Variants in MACROD2 observed in about 807,000 individuals in gnomAD.
MACROD2 encodes mono-ADP ribosylhydrolase 2.
In MACROD2, 36 loss-of-function variants were observed where a neutral mutation model predicts 70.4. That is an observed-to-expected ratio of 0.51 (90% CI 0.39 to 0.68). MACROD2 has a LOEUF of 0.68. MACROD2 is among the 30% of genes least tolerant of loss of function. MACROD2 has a pLI of 0.00. For missense variants in MACROD2, 496 were observed against 538.4 expected (o/e 0.92, Z 0.78); for synonymous variants, 172 against 178.8 (o/e 0.96, Z 0.30).
At chr20:15,907,050 A>G (rs2147257252) in intron 10 of MACROD2, among the ~76,000 whole-genome samples, 1 of 152,288 alleles carries the variant, frequency 6.6e-6, no homozygotes, top group South Asian at 2.1e-4. Context: ...CAATTTATTC[A>G]TTTGTGTACT....
intron 7 of MACROD2, among the ~76,000 whole-genome samples, chr20:15,479,265 C>CTTTTTT (rs767435610): frequency 3.3e-4 from 29 of 87,758 alleles, no homozygotes; most frequent in Admixed American, 5.2e-4. Flanking sequence ...TTCTCGCTCT[C>CTTTTTT]TTTTTTTTTT....
chr20:14,298,722 T>G (rs1454009633), intron 3 of MACROD2, among the ~76,000 whole-genome samples: 1 of 149,566 alleles, frequency 6.7e-6, no homozygotes, highest in Non-Finnish European at 1.5e-5. Flanking sequence ...GGAGGAGGTC[T>G]GAGTATCAAC....
chr20:15,863,379 C>T (rs1250742399), intron 9 of MACROD2, among the ~76,000 whole-genome samples: 2 of 152,090 alleles, frequency 1.3e-5, no homozygotes, highest in African/African-American at 4.8e-5. Context: ...TAGGAGAAAC[C>T]TCAGGGTTAT....
At chr20:14,775,871 A>T (rs1222587412) in intron 5 of MACROD2, among the ~76,000 whole-genome samples, 4 of 152,060 alleles carry the variant, frequency 2.6e-5, no homozygotes, top group Non-Finnish European at 4.4e-5. Flanking sequence ...GAACTGTGAA[A>T]AAAAAAGATC....
intron 3 of MACROD2, among the ~76,000 whole-genome samples, chr20:14,450,626 G>T (rs1489770183): frequency 2.0e-5 from 3 of 152,018 alleles, no homozygotes; most frequent in African/African-American, 7.3e-5. Flanking sequence ...TAAATGTTAT[G>T]ACCCTAAGGA....
Position 14,858,007 on chromosome 20 carries a change from G to T in MACROD2, c.418+173048G>T, listed in dbSNP as rs566721863. 2.0e-4 allele frequency among the ~76,000 whole-genome samples: 30 copies of T among 152,184 alleles called. 1 individual carries two copies. Among genetic ancestry groups the T allele is most frequent in the African/African-American group, 7.0e-4 (29 of 41,532 alleles). ...GGCTAATTTTTGTATTTTTAGTAGA[G>T]ACTGGGTTTCACCATGTTGGCCAGG... On this transcript the variant is annotated intron_variant, in intron 5 of 17. Transcript: ENST00000684519.
At chr20:15,669,323 G>T (rs1026018886) in intron 8 of MACROD2, among the ~76,000 whole-genome samples, 1 of 152,198 alleles carries the variant, frequency 6.6e-6, no homozygotes, top group Non-Finnish European at 1.5e-5. Flanking sequence ...CACATGAAAT[G>T]TGCAGGGTAT....
intron 4 of MACROD2, among the ~76,000 whole-genome samples, chr20:14,498,457 A>G (rs2084880872): frequency 6.6e-6 from 1 of 152,212 alleles, no homozygotes; most frequent in African/African-American, 2.4e-5. Flanking sequence ...GTTTGTCAGT[A>G]TTGATTATTG....
chr20:15,648,275 T>C (rs1215046555), intron 8 of MACROD2, among the ~76,000 whole-genome samples: 1 of 152,208 alleles, frequency 6.6e-6, no homozygotes, highest in Non-Finnish European at 1.5e-5. Context: ...TTGGCCATGA[T>C]ATTTAAGAAG....
rs549030836 is a variant in MACROD2 at position 15,132,627 on chromosome 20, T to TA, written c.419-97305dup. Among the ~76,000 whole-genome samples, 18 of 151,700 alleles carry TA rather than the reference T, an allele frequency of 1.2e-4. 1 individual carries two copies. In the South Asian group the frequency reaches 3.5e-3, roughly 30 times the overall value. ...AGAAGGACAACAAAATCCAATCACTTAAAAAAAACTTTCAAATAATTCTTG... is the reference window on the plus strand; with the variant it reads ...AGAAGGACAACAAAATCCAATCACTTAAAAAAAAACTTTCAAATAATTCTTG... On this transcript the variant is annotated intron_variant, in intron 5 of 17. Transcript: ENST00000684519.
chr20:14,934,479 G>GA (rs992583479), intron 5 of MACROD2, among the ~76,000 whole-genome samples: 20 of 152,060 alleles, frequency 1.3e-4, no homozygotes, highest in African/African-American at 4.6e-4. Context: ...ATCTAAATGA[G>GA]AAAAAAAATC....
At chr20:14,126,328 T>C (rs1217950766) in intron 3 of MACROD2, among the ~76,000 whole-genome samples, 1 of 152,196 alleles carries the variant, frequency 6.6e-6, no homozygotes, top group Non-Finnish European at 1.5e-5. Flanking sequence ...ATCAGTCAAA[T>C]TGGATCAGGG....
chr20:15,122,413 C>T, intron 5 of MACROD2, among the ~76,000 whole-genome samples: 1 of 152,198 alleles, frequency 6.6e-6, no homozygotes, highest in East Asian at 1.9e-4. Flanking sequence ...GGAACATGCC[C>T]ACTGTGGCAA....
intron 2 of MACROD2, chr20:14,003,359 T>G (rs79656262): frequency 0.019 from 2,981 of 155,652 alleles, 38 homozygotes; most frequent in Non-Finnish European, 0.032. Context: ...GCATGTGGGA[T>G]TAGCAGTGAA....
chr20:14,948,263 A>G (rs1305199431), intron 5 of MACROD2, among the ~76,000 whole-genome samples: 2 of 152,126 alleles, frequency 1.3e-5, no homozygotes, highest in African/African-American at 4.8e-5. Flanking sequence ...CAAATACTTG[A>G]TGGGAGTGGG....
chr20:14,033,154 G>A (rs2053266200), intron 2 of MACROD2, among the ~76,000 whole-genome samples: 1 of 148,500 alleles, frequency 6.7e-6, no homozygotes, highest in Non-Finnish European at 1.5e-5. Context: ...TAGGCGGTAA[G>A]TTGTCTTAGT....
At chr20:15,188,992 A>G (rs928300008) in intron 5 of MACROD2, among the ~76,000 whole-genome samples, 1 of 152,168 alleles carries the variant, frequency 6.6e-6, no homozygotes, top group African/African-American at 2.4e-5. Context: ...GTTTCCTGCC[A>G]TTTAGCCCAA....
intron 5 of MACROD2, among the ~76,000 whole-genome samples, chr20:15,154,187 A>G (rs1393028373): frequency 2.0e-5 from 3 of 152,204 alleles, no homozygotes; most frequent in Non-Finnish European, 4.4e-5. Flanking sequence ...TAAATATCCT[A>G]GGACATGGAA....
intron 6 of MACROD2, among the ~76,000 whole-genome samples, chr20:15,257,708 A>G (rs933227512): frequency 1.3e-5 from 2 of 152,074 alleles, no homozygotes; most frequent in Admixed American, 6.6e-5. Flanking sequence ...GCACATATAT[A>G]TGTATAGCAC....
Sources: allele counts gnomAD v4.1 joint callset (sites outside exome capture counted in the v4.1 genomes callset), GRCh38; gene constraint gnomAD v4.1.1; transcripts MANE v1.5; gene names NCBI Gene and HGNC (gene_info 2026-07-23, HGNC 2026-07-21).